The following MAGIX variants were observed in gnomAD, a reference collection of about 807,000 sequenced individuals.
The protein encoded by MAGIX is PDZ domain-containing protein MAGIX.
MAGIX carries 13 observed loss-of-function variants against 10.0 expected under a neutral mutation model. The ratio of observed to expected loss-of-function variants is 1.30; its 90% CI spans 0.84 to 2.06. The LOEUF (loss-of-function observed/expected upper bound fraction) is 2.06, where lower values mean the gene tolerates loss of function less well. Ranked by LOEUF, MAGIX falls within the 30% of genes most tolerant of loss-of-function variation. The pLI is 0.00. For synonymous variants in MAGIX, 108 were observed against 106.8 expected (o/e 1.01, Z -0.07); for missense variants, 235 against 245.2 (o/e 0.96, Z 0.28).
Position 49,166,248 on chromosome X carries a change from C to G in MAGIX, c.677C>G (p.Pro226Arg), listed in dbSNP as rs782164364. Reference sequence around the variant, plus strand: ...GCCGATGGCCCCACGGTTTCTCCTCCTGAGCGCCGCGCTGAGGATCCCAAC... The same window carrying G: ...GCCGATGGCCCCACGGTTTCTCCTCGTGAGCGCCGCGCTGAGGATCCCAAC... Residue 226 changes from proline (P) to arginine (R), a missense_variant, in exon 5 of 5, where the codon CCT becomes CGT. Physicochemically the swap from Pro to Arg is moderately radical, Grantham distance 103 (BLOSUM62 -2). Coordinates refer to ENST00000616266, the Ensembl canonical transcript of MAGIX. The G allele has an allele frequency of 8.3e-6, 10 of 1,200,812 alleles. No homozygotes were observed. The highest frequency in any genetic ancestry group is 7.0e-5 in the African/African-American group (4 of 57,346).
chrX:49,164,959 G>A, exon 3 of MAGIX: 1 of 1,212,331 alleles, frequency 8.2e-7, no homozygotes, highest in Non-Finnish European at 1.1e-6. Context: ...TCATTTCTCT[G>A]TGGAGCTGGT....
chrX:49,165,010 C>T (rs1557097368), exon 3 of MAGIX: 3 of 1,211,127 alleles, frequency 2.5e-6, no homozygotes, highest in South Asian at 1.8e-5. Context: ...AGGTGGGGGC[C>T]GGGATGTAGC....
At chrX:49,164,114 T>G in intron 2 of MAGIX, 185 bp downstream of exon 2, 1 of 350,392 alleles carries the variant, frequency 2.9e-6, no homozygotes, top group Non-Finnish European at 4.7e-6. Flanking sequence ...GCATATTCCT[T>G]GAGGGTTATT....
exon 5 of MAGIX, chrX:49,167,505 G>A (rs2065375860): frequency 8.8e-6 from 1 of 113,616 alleles, no homozygotes; most frequent in South Asian, 3.5e-4. Context: ...TCGCCCCTGT[G>A]GGGAGGGGAC....
At chrX:49,164,579 C>A in intron 2 of MAGIX, 128 bp from the exon 3 acceptor site, 1 of 580,098 alleles carries the variant, frequency 1.7e-6, no homozygotes, top group Non-Finnish European at 2.9e-6. Context: ...AAATGGTGGG[C>A]CAGTTTGTAT....
At chrX:49,164,743 CAG>C in exon 3 of MAGIX, 2 of 1,211,948 alleles carry the variant, frequency 1.7e-6, no homozygotes, top group Middle Eastern at 2.3e-4. Context: ...ATAGAGGTCA[CAG>C]ACAGTCGCCT....
In MAGIX at chrX:49,164,790, G is replaced by T. The variant is rs1433672834; in HGVS notation, c.30G>T (p.Arg10Ser). The T allele has an allele frequency of 2.5e-6, 3 of 1,210,066 alleles. No homozygotes were observed. In the African/African-American group the frequency reaches 5.2e-5, roughly 21 times the overall value. ...CACTATTGTGGATCACCGGCCCCAGGTACCATCTCATCCTTCTATCGGAGG... is the reference window on the plus strand; with the variant it reads ...CACTATTGTGGATCACCGGCCCCAGTTACCATCTCATCCTTCTATCGGAGG... The change falls in exon 3 of 5, where the codon AGG becomes AGT. Residue 10 changes from arginine (R) to serine (S), a missense_variant. Arg to Ser is a moderately radical substitution (Grantham distance 110, BLOSUM62 -1). Coordinates refer to ENST00000616266, the Ensembl canonical transcript of MAGIX.
chrX:49,163,584 C>A (rs2065343872), intron 1 of MAGIX, 199 bp from the exon 2 acceptor site: 1 of 296,912 alleles, frequency 3.4e-6, no homozygotes, highest in Non-Finnish European at 5.7e-6. Flanking sequence ...ACCGTGGGAG[C>A]AAGCGGGGGT....
chrX:49,166,388 C>T (rs1557098177), exon 5 of MAGIX: 2 of 1,135,629 alleles, frequency 1.8e-6, no homozygotes, highest in African/African-American at 1.8e-5. Context: ...AGCCGGAAGG[C>T]GGAGACACTG....
At chrX:49,165,786 T>G in intron 4 of MAGIX, 2 of 333,993 alleles carry the variant, frequency 6.0e-6, no homozygotes, top group South Asian at 7.5e-5. Flanking sequence ...TCAACGGAGG[T>G]GGGATGAGAG....
At position 49,163,942 on chromosome X, in the gene MAGIX, C is replaced by G; in HGVS notation, c.-55+13C>G. 1 of 1,008,618 alleles carries G rather than the reference C, an allele frequency of 9.9e-7. No homozygotes were observed. Among genetic ancestry groups the G allele is most frequent in the South Asian group, 3.5e-5 (1 of 28,720 alleles). 83.1% of individuals were successfully genotyped at this position (1,008,618 alleles called of 1,213,427 possible). A position where few individuals can be genotyped will look rare whatever the true frequency, so the allele number is the denominator to read the frequency against. ...CGCCGGAAGGAGGGTGAGTGACTGG[C>G]GCAGGGCCTCCGCTGGGGGAGGGTT... On this transcript the variant is annotated intron_variant, in intron 2 of 4. Coordinates refer to ENST00000616266, the Ensembl canonical transcript of MAGIX.
chrX:49,163,964 G>T (rs781783843), intron 2 of MAGIX, 35 bp downstream of exon 2: 1 of 999,388 alleles, frequency 1.0e-6, no homozygotes. Context: ...GCTGGGGGAG[G>T]GTTCGGAGAG....
chrX:49,163,674 A>AG (rs2065344670), intron 1 of MAGIX, 109 bp from the exon 2 acceptor site: 1 of 752,201 alleles, frequency 1.3e-6, no homozygotes, highest in African/African-American at 2.3e-5. Flanking sequence ...GGGAGTGGCC[A>AG]GGGGTCGCCG....
At position 49,165,933 on chromosome X, in the gene MAGIX, G is replaced by A. The variant is rs12850360; in HGVS notation, c.503-141G>A. On this transcript the variant is annotated intron_variant, in intron 4 of 4. Coordinates refer to ENST00000616266, the Ensembl canonical transcript of MAGIX. Reference sequence around the variant, plus strand: ...GGAGGTGTCGGGGTTGTGAGGGGTGGTGCCGATCCCAGAAGGCCTGGAGGG... The same window carrying A: ...GGAGGTGTCGGGGTTGTGAGGGGTGATGCCGATCCCAGAAGGCCTGGAGGG... 5,165 of 534,228 alleles carry A rather than the reference G, an allele frequency of 9.7e-3. 30 individuals carry two copies. Among genetic ancestry groups the A allele is most frequent in the Non-Finnish European group, 0.013 (4,330 of 328,842 alleles). 44.0% of individuals were successfully genotyped at this position (534,228 alleles called of 1,213,427 possible).
exon 3 of MAGIX, chrX:49,165,009 C>G (rs1557097362): frequency 8.3e-7 from 1 of 1,211,212 alleles, no homozygotes; most frequent in East Asian, 3.0e-5. Flanking sequence ...TAGGTGGGGG[C>G]CGGGATGTAG....
chrX:49,168,524 T>C (rs1557098745), downstream of MAGIX: 1 of 102,858 alleles, frequency 9.7e-6, no homozygotes, highest in East Asian at 3.1e-4. Context: ...TTTGTGCCTG[T>C]AATCCCAGTA....
exon 3 of MAGIX, chrX:49,164,996 C>A: frequency 1.7e-6 from 2 of 1,211,774 alleles, no homozygotes; most frequent in Non-Finnish European, 2.2e-6. Context: ...TTTGGCCTCA[C>A]CTTAGGTGGG....
rs1391116450 is a variant in MAGIX at position 49,164,953 on chromosome X, TTC to T, written c.197_198del (p.Ser66CysfsTer147). The T allele has an allele frequency of 8.3e-7, 1 of 1,211,167 alleles. No homozygotes were observed. On this transcript the variant is annotated frameshift_variant, in exon 3 of 5. Transcript: ENST00000616266. LOFTEE classifies it high-confidence loss of function. Reference sequence around the variant, plus strand: ...GAAGCCATCCCAGGCCTCTGGTCATTTCTCTGTGGAGCTGGTTCGCGGTTACG... The same window carrying T: ...GAAGCCATCCCAGGCCTCTGGTCATTTCTGTGGAGCTGGTTCGCGGTTACG...
At chrX:49,163,623 C>G in intron 1 of MAGIX, 160 bp from the exon 2 acceptor site, 1 of 433,684 alleles carries the variant, frequency 2.3e-6, no homozygotes, top group Non-Finnish European at 3.3e-6. Flanking sequence ...GGTCGGGGAT[C>G]GCGTGAGGGG....
Sources: allele counts gnomAD v4.1 joint callset, GRCh38; gene constraint gnomAD v4.1.1; transcripts MANE v1.5; gene names NCBI Gene and HGNC (gene_info 2026-07-23, HGNC 2026-07-21).